NF1: variants seen among roughly 807,000 people sequenced by gnomAD.
The protein encoded by NF1 is neurofibromin 1, also known as neurofibromin.
Under a neutral mutation model 325.7 loss-of-function variants are expected in NF1, and 122 were observed. The ratio of observed to expected loss-of-function variants is 0.37; its 90% CI spans 0.32 to 0.44. NF1 has a LOEUF of 0.44. NF1 is among the 20% of genes least tolerant of loss of function. The probability of loss-of-function intolerance (pLI) is 1.00; values close to 1 mark genes in which losing one functional copy is unlikely to be tolerated. For synonymous variants in NF1, 1,091 were observed against 1,186.0 expected, an observed-to-expected ratio of 0.92 and a Z score of 1.65; for missense variants, 2,140 against 3,415.4, an observed-to-expected ratio of 0.63 and a Z score of 9.31.
intron 1 of NF1, among the ~76,000 whole-genome samples, chr17:31,104,114 A>G (rs1912635245): frequency 6.6e-6 from 1 of 152,124 alleles, no homozygotes. Flanking sequence ...TCCTTAAACA[A>G]AAGTTTAAGT....
chr17:31,229,526 C>A (rs527915697), intron 21 of NF1, 61 bp downstream of exon 21: 1 of 1,549,740 alleles, frequency 6.5e-7, no homozygotes, highest in Non-Finnish European at 8.9e-7. Flanking sequence ...TTGAAATAAG[C>A]CTTTTTCTTT....
chr17:31,226,390 A>G (rs2067013531), intron 17 of NF1, 45 bp from the exon 18 acceptor site: 1 of 1,598,112 alleles, frequency 6.3e-7, no homozygotes, highest in Admixed American at 1.7e-5. Context: ...TTATACATAA[A>G]ATTACCCAAG....
intron 3 of NF1, among the ~76,000 whole-genome samples, chr17:31,159,860 T>C (rs1318653577): frequency 6.6e-6 from 1 of 152,200 alleles, no homozygotes; most frequent in Non-Finnish European, 1.5e-5. Flanking sequence ...TTCCTTTGGC[T>C]CAGAATTCAG....
At position 31,159,039 on chromosome 17, in the gene NF1, T is replaced by A. The variant is rs876658354; in HGVS notation, c.234T>A (p.Asn78Lys). 6.2e-7 allele frequency: 1 copy of A among 1,608,592 alleles called. No individual in the cohort carries two copies. The highest frequency in any genetic ancestry group is 8.5e-7 in the Non-Finnish European group (1 of 1,175,222). The change falls in exon 3 of 58, where the codon AAT (asparagine) becomes AAA (lysine). Residue 78 changes from asparagine (N) to lysine (K), a missense_variant. Transcript: ENST00000358273. ...TATTTGGAGAAGCTGCTGAAAAAAATTTATATCTCTCTCAGTTGATTATAT... is the reference window on the plus strand; with the variant it reads ...TATTTGGAGAAGCTGCTGAAAAAAAATTATATCTCTCTCAGTTGATTATAT... ...MRIFGEAAEK[N>K]LYLSQLIILD... is the part of the protein sequence containing the mutation.
rs550973164 is a variant in NF1, at chr17:31,363,165, G to A, written c.8377+2462G>A. ...AACTCTTCCTGTCACTCAATTGTGT[G>A]TCATTGGTTTGACAGTTTATTTTAC... is the stretch of plus-strand genomic sequence containing the variant. On this transcript the variant is annotated intron_variant, in intron 57 of 57. Coordinates refer to ENST00000358273, the MANE Select transcript of NF1 (RefSeq NM_001042492.3). Among the ~76,000 whole-genome samples, 6 of 152,256 alleles carry A rather than the reference G, an allele frequency of 3.9e-5. No homozygotes were observed. In the East Asian group the frequency reaches 1.2e-3, roughly 29 times the overall value.
chr17:31,194,991 A>T (rs988639281), intron 8 of NF1, among the ~76,000 whole-genome samples: 1 of 152,176 alleles, frequency 6.6e-6, no homozygotes, highest in Non-Finnish European at 1.5e-5. Flanking sequence ...CAAATTAGTA[A>T]TGTGAATTTG....
chr17:31,121,980 T>C (rs528164792), intron 1 of NF1, among the ~76,000 whole-genome samples: 98 of 152,356 alleles, frequency 6.4e-4, no homozygotes, highest in Non-Finnish European at 9.4e-4. Context: ...CAGTTCTTGC[T>C]TGGTTATAAT....
At chr17:31,356,764 C>A in intron 52 of NF1, 182 bp downstream of exon 52, 1 of 1,136,914 alleles carries the variant, frequency 8.8e-7, no homozygotes, top group Non-Finnish European at 1.2e-6. Context: ...AAAAATTAAT[C>A]ATATATATTA....
rs777912961 is a variant in NF1 at position 31,377,000 on chromosome 17, C to T, written c.*2845C>T. On this transcript the variant is annotated 3_prime_UTR_variant, in exon 58 of 58. Coordinates refer to ENST00000358273, the MANE Select transcript of NF1 (RefSeq NM_001042492.3). ...TGTCCTAGTTGGGGAGACAGAGTGC[C>T]AGCCAGCAACCCTCCCAGGTTTGTA... 1 of 233,376 alleles carries T rather than the reference C, an allele frequency of 4.3e-6. No individual in the cohort carries two copies. The highest frequency in any genetic ancestry group is 6.0e-5 in the East Asian group (1 of 16,606). 14.5% of individuals were successfully genotyped at this position (233,376 alleles called of 1,614,324 possible).
chr17:31,246,902 G>T (rs2067401710), intron 29 of NF1, among the ~76,000 whole-genome samples: 1 of 151,996 alleles, frequency 6.6e-6, no homozygotes, highest in African/African-American at 2.4e-5. Flanking sequence ...ACTGATAAGA[G>T]TTAGCAACAC....
chr17:31,122,670 A>T (rs1567799634), intron 1 of NF1, among the ~76,000 whole-genome samples: 1 of 152,174 alleles, frequency 6.6e-6, no homozygotes, highest in Non-Finnish European at 1.5e-5. Flanking sequence ...TTTCATTTGC[A>T]TATTGGTTTT....
intron 12 of NF1, among the ~76,000 whole-genome samples, chr17:31,209,265 A>G (rs2066679540): frequency 1.3e-5 from 2 of 152,216 alleles, no homozygotes; most frequent in African/African-American, 4.8e-5. Context: ...ATTGCCTCAA[A>G]TGATTTGGGA....
intron 31 of NF1, chr17:31,254,273 C>CAAAAAAAAAAAA (rs35958218): frequency 1.3e-5 from 1 of 75,748 alleles, no homozygotes; most frequent in Non-Finnish European, 2.6e-5. Context: ...CCCTGTCTCA[C>CAAAAAAAAAAAA]AAAAAAAAAA....
chr17:31,211,140 C>G (rs566220544), intron 12 of NF1, among the ~76,000 whole-genome samples: 90 of 152,302 alleles, frequency 5.9e-4, no homozygotes, highest in South Asian at 8.3e-4. Context: ...TCTGAAGACT[C>G]TGGTTCATGA....
intron 36 of NF1, chr17:31,296,348 A>G: frequency 6.2e-7 from 1 of 1,613,874 alleles, no homozygotes. Flanking sequence ...CTAGAAACAA[A>G]CAGATACACC....
chr17:31,109,371 A>T (rs757425320), intron 1 of NF1, among the ~76,000 whole-genome samples: 2 of 151,522 alleles, frequency 1.3e-5, no homozygotes, highest in African/African-American at 2.4e-5. Context: ...AGATTTGAAG[A>T]TCATTTTCTT....
chr17:31,204,460 T>C (rs912798330), intron 11 of NF1, among the ~76,000 whole-genome samples: 1 of 152,122 alleles, frequency 6.6e-6, no homozygotes, highest in Non-Finnish European at 1.5e-5. Flanking sequence ...TTTAATTGAC[T>C]GGTGTTCAGG....
chr17:31,100,811 A>G (rs765156017), intron 1 of NF1, among the ~76,000 whole-genome samples: 8 of 152,168 alleles, frequency 5.3e-5, no homozygotes, highest in Non-Finnish European at 1.0e-4. Context: ...GTCGTGATCC[A>G]CCTGCCTTGA....
chr17:31,245,137 A>G (rs902280247), intron 29 of NF1, among the ~76,000 whole-genome samples: 1 of 152,190 alleles, frequency 6.6e-6, no homozygotes, highest in Non-Finnish European at 1.5e-5. Context: ...AAAATTTCAC[A>G]AAGTAGGCAA....
Sources: allele counts gnomAD v4.1 joint callset (sites outside exome capture counted in the v4.1 genomes callset), GRCh38; gene constraint gnomAD v4.1.1; transcripts MANE v1.5; gene names NCBI Gene and HGNC (gene_info 2026-07-23, HGNC 2026-07-21).